The following EMSY variants were observed in gnomAD, a reference collection of about 807,000 sequenced individuals.
EMSY encodes BRCA2-interacting transcriptional repressor EMSY.
A neutral mutation model predicts 134.6 loss-of-function variants in EMSY; 26 were observed. The ratio of observed to expected loss-of-function variants is 0.19; its 90% CI spans 0.14 to 0.27. The LOEUF (loss-of-function observed/expected upper bound fraction) is 0.27. Ranked by LOEUF, EMSY falls within the 10% of genes least tolerant of loss-of-function variation. EMSY has a pLI of 1.00. For missense variants in EMSY, 1,305 were observed against 1,611.4 expected (o/e 0.81, Z 3.26); for synonymous variants, 579 against 577.8 (o/e 1.00, Z -0.03).
intron 14 of EMSY, 110 bp downstream of exon 15, chr11:76,528,576 A>G: frequency 3.2e-6 from 2 of 615,672 alleles, no homozygotes; most frequent in Non-Finnish European, 5.1e-6. Context: ...TGCTCTATCA[A>G]TTCTTTTCCT....
exon 20 of EMSY, chr11:76,545,921 C>T (rs768848121): frequency 6.2e-7 from 1 of 1,614,200 alleles, no homozygotes. Flanking sequence ...TCACCAGTTA[C>T]AAGCATATCT....
exon 20 of EMSY, chr11:76,546,252 A>G (rs2136835229): frequency 6.2e-7 from 1 of 1,613,770 alleles, no homozygotes; most frequent in South Asian, 1.1e-5. Context: ...TTCAGAATGT[A>G]GGCCAAAAGA....
intron 8 of EMSY, among the ~76,000 whole-genome samples, chr11:76,474,461 C>T (rs1334445711): frequency 6.6e-6 from 1 of 152,120 alleles, no homozygotes; most frequent in East Asian, 1.9e-4. Context: ...TGAATGCAAG[C>T]ACTCAAGTAG....
chr11:76,446,349 G>GTATATATATA (rs10636663), intron 1 of EMSY, among the ~76,000 whole-genome samples: 142 of 130,378 alleles, frequency 1.1e-3, no homozygotes, highest in African/African-American at 4.3e-3. Context: ...ATATATATGT[G>GTATATATATA]TATATATATA....
At chr11:76,544,953 G>A (rs1951588753) in intron 19 of EMSY, 131 bp downstream of exon 20, 1 of 979,084 alleles carries the variant, frequency 1.0e-6, no homozygotes, top group Non-Finnish European at 1.5e-6. Flanking sequence ...TCATTACGCT[G>A]GTATTACTTT....
chr11:76,463,629 C>CAAAAA (rs567081751), intron 6 of EMSY, among the ~76,000 whole-genome samples, 192 bp from the exon 8 acceptor site: 3 of 94,842 alleles, frequency 3.2e-5, no homozygotes, highest in African/African-American at 3.9e-5. Flanking sequence ...GACTCCGTCT[C>CAAAAA]AAAAAAAAAA....
chr11:76,527,691 T>G (rs974640532), intron 13 of EMSY, among the ~76,000 whole-genome samples: 2 of 151,962 alleles, frequency 1.3e-5, no homozygotes, highest in African/African-American at 4.8e-5. Context: ...AAATCAATAT[T>G]CATCTGGGGT....
chr11:76,475,359 A>G, intron 8 of EMSY, among the ~76,000 whole-genome samples: 1 of 152,364 alleles, frequency 6.6e-6, no homozygotes, highest in East Asian at 1.9e-4. Context: ...CTAATAAAAT[A>G]TCTTGAAGCA....
At chr11:76,511,093 G>T (rs983159801) in intron 9 of EMSY, among the ~76,000 whole-genome samples, 29 of 149,370 alleles carry the variant, frequency 1.9e-4, no homozygotes, top group African/African-American at 7.1e-4. Flanking sequence ...TCAATATTTG[G>T]AATGGCTTTA....
At chr11:76,501,505 A>G (rs1949855949) in intron 9 of EMSY, among the ~76,000 whole-genome samples, 2 of 152,212 alleles carry the variant, frequency 1.3e-5, no homozygotes, top group Admixed American at 6.5e-5. Context: ...TTTTAAAGAG[A>G]GCCAAACAGA....
At chr11:76,489,828 C>T (rs1949347151) in intron 8 of EMSY, among the ~76,000 whole-genome samples, 3 of 152,192 alleles carry the variant, frequency 2.0e-5, no homozygotes, top group Non-Finnish European at 4.4e-5. Context: ...TGGTCTCAAA[C>T]TTCTGACCTC....
chr11:76,453,171 A>G (rs767518013), intron 3 of EMSY, 143 bp from the exon 4 acceptor site: 2 of 564,806 alleles, frequency 3.5e-6, no homozygotes, highest in Non-Finnish European at 6.2e-6. Flanking sequence ...TTGAAGATAT[A>G]TATATTAGAC....
chr11:76,510,902 G>A lies in EMSY; in HGVS notation c.1364-2484G>A, dbSNP rs538637592. On this transcript the variant is annotated intron_variant, in intron 9 of 20. Transcript: ENST00000334736. ...AGTGGGGAAGGAGGAAATGCTCTTG[G>A]TTTAAATACCACAGATTTTGCCTTT... 4.6e-5 allele frequency among the ~76,000 whole-genome samples: 7 copies of A among 152,298 alleles called. No individual in the cohort carries two copies. In the South Asian group the frequency reaches 1.4e-3, roughly 32 times the overall value.
intron 9 of EMSY, among the ~76,000 whole-genome samples, chr11:76,509,141 C>A (rs986744132): frequency 5.3e-5 from 8 of 152,108 alleles, no homozygotes; most frequent in African/African-American, 1.9e-4. Flanking sequence ...TTGTGAGAAT[C>A]ATCAAAATGT....
chr11:76,523,704 C>CTTTTTATTTTTTTTTT (rs1950731810), intron 12 of EMSY, among the ~76,000 whole-genome samples: 1 of 80,536 alleles, frequency 1.2e-5, no homozygotes, highest in Non-Finnish European at 2.3e-5. Context: ...TTGTTACTTT[C>CTTTTTATTTTTTTTTT]TTTTTTTTTT....
chr11:76,507,969 T>C (rs1590929362), intron 9 of EMSY, among the ~76,000 whole-genome samples: 1 of 151,454 alleles, frequency 6.6e-6, no homozygotes, highest in Non-Finnish European at 1.5e-5. Flanking sequence ...GCTCAAGCAG[T>C]CCTCCCACCT....
At chr11:76,482,824 C>T (rs1195675541) in intron 8 of EMSY, among the ~76,000 whole-genome samples, 1 of 152,216 alleles carries the variant, frequency 6.6e-6, no homozygotes, top group Non-Finnish European at 1.5e-5. Flanking sequence ...TTGGGAAACA[C>T]TCTTCAGCAT....
At chr11:76,542,226 CTCCCAGCCCCAACAGCCT>C (rs781243579) in exon 18 of EMSY, 1 of 1,614,186 alleles carries the variant, frequency 6.2e-7, no homozygotes, top group South Asian at 1.1e-5. Context: ...TCAGCCATCG[CTCCCAGCCCCAACAGCCT>C]TCCCAGCCCC....
chr11:76,479,368 G>A (rs1590846117), intron 8 of EMSY, among the ~76,000 whole-genome samples: 1 of 152,218 alleles, frequency 6.6e-6, no homozygotes, highest in African/African-American at 2.4e-5. Flanking sequence ...TTCTGTAGCA[G>A]TGATATATCT....
Sources: allele counts gnomAD v4.1 joint callset (sites outside exome capture counted in the v4.1 genomes callset), GRCh38; gene constraint gnomAD v4.1.1; transcripts MANE v1.5; gene names NCBI Gene and HGNC (gene_info 2026-07-23, HGNC 2026-07-21).